PRTG: variants seen among roughly 807,000 people sequenced by gnomAD.
PRTG encodes the protein protogenin.
Under a neutral mutation model 122.5 loss-of-function variants are expected in PRTG, and 67 were observed. The observed-to-expected ratio is 0.55, with a 90% CI of 0.45 to 0.67. PRTG has a LOEUF of 0.67. PRTG is among the 30% of genes least tolerant of loss of function. PRTG has a pLI of 0.00. For missense variants in PRTG, 1,435 were observed against 1,415.4 expected (o/e 1.01, Z -0.22); for synonymous variants, 554 against 501.1 (o/e 1.11, Z -1.41).
At chr15:55,698,007 G>C (rs1186488999) in intron 2 of PRTG, among the ~76,000 whole-genome samples, 1 of 151,990 alleles carries the variant, frequency 6.6e-6, no homozygotes, top group African/African-American at 2.4e-5. Flanking sequence ...TATTCACCTA[G>C]CTTCTCTTCC....
At chr15:55,677,420 A>G (rs1429488868) in intron 8 of PRTG, among the ~76,000 whole-genome samples, 1 of 152,176 alleles carries the variant, frequency 6.6e-6, no homozygotes, top group African/African-American at 2.4e-5. Flanking sequence ...TTATTTTACT[A>G]AACAGTCAAA....
chr15:55,654,553 T>C (rs1180061317), intron 11 of PRTG, among the ~76,000 whole-genome samples: 2 of 152,242 alleles, frequency 1.3e-5, no homozygotes, highest in Non-Finnish European at 2.9e-5. Context: ...TTTGATTATG[T>C]TGACATTTCT....
At chr15:55,671,793 G>A (rs755604910) in intron 11 of PRTG, among the ~76,000 whole-genome samples, 4 of 152,110 alleles carry the variant, frequency 2.6e-5, no homozygotes, top group Non-Finnish European at 5.9e-5. Context: ...GAGCCACCAC[G>A]CCTGGCCCAT....
At chr15:55,649,464 C>T (rs1241103448) in intron 11 of PRTG, among the ~76,000 whole-genome samples, 3 of 151,900 alleles carry the variant, frequency 2.0e-5, no homozygotes, top group East Asian at 1.9e-4. Flanking sequence ...AGTACAACAA[C>T]AACAACAATA....
At chr15:55,707,637 C>A (rs1312038571) in intron 2 of PRTG, among the ~76,000 whole-genome samples, 2 of 152,186 alleles carry the variant, frequency 1.3e-5, no homozygotes, top group East Asian at 1.9e-4. Context: ...CAAAACAATG[C>A]ATAGTTTATA....
chr15:55,700,400 G>A (rs1428047388), intron 2 of PRTG, among the ~76,000 whole-genome samples: 2 of 152,020 alleles, frequency 1.3e-5, no homozygotes, highest in Non-Finnish European at 1.5e-5. Flanking sequence ...TTGTGTCCTG[G>A]GGTTAGGCAA....
At chr15:55,674,946 G>A (rs2059494059) in intron 9 of PRTG, among the ~76,000 whole-genome samples, 1 of 152,048 alleles carries the variant, frequency 6.6e-6, no homozygotes, top group African/African-American at 2.4e-5. Context: ...TAATATGGAT[G>A]AAATTTCCCA....
chr15:55,693,136 A>C (rs2059613638), intron 2 of PRTG, among the ~76,000 whole-genome samples: 1 of 151,960 alleles, frequency 6.6e-6, no homozygotes, highest in Non-Finnish European at 1.5e-5. Flanking sequence ...GGCGTGAGCC[A>C]CCGCGCCAAG....
At chr15:55,629,375 A>ATATGTGTGTGTGTGTGTGTGTG (rs1374294067) in intron 15 of PRTG, among the ~76,000 whole-genome samples, 1 of 47,938 alleles carries the variant, frequency 2.1e-5, no homozygotes, top group Non-Finnish European at 4.2e-5. Context: ...ATATATATAT[A>ATATGTGTGTGTGTGTGTGTGTG]TGTGTGTGTG....
chr15:55,705,660 T>C (rs1307412653), intron 2 of PRTG, among the ~76,000 whole-genome samples: 2 of 151,950 alleles, frequency 1.3e-5, no homozygotes, highest in African/African-American at 2.4e-5. Context: ...TTCACCATGT[T>C]GCACTCCTGA....
intron 2 of PRTG, among the ~76,000 whole-genome samples, chr15:55,727,266 A>G (rs1480769528): frequency 6.6e-6 from 1 of 152,118 alleles, no homozygotes; most frequent in African/African-American, 2.4e-5. Context: ...AACTTTAGCT[A>G]GACTGACCAA....
At chr15:55,687,173 T>A (rs923840435) in intron 2 of PRTG, among the ~76,000 whole-genome samples, 3 of 152,208 alleles carry the variant, frequency 2.0e-5, no homozygotes, top group Non-Finnish European at 4.4e-5. Flanking sequence ...GCACAATAAC[T>A]AGAATTGTAA....
chr15:55,663,323 T>C (rs930099307), intron 11 of PRTG, among the ~76,000 whole-genome samples: 3 of 152,184 alleles, frequency 2.0e-5, no homozygotes, highest in Non-Finnish European at 4.4e-5. Flanking sequence ...ACCCTCAGTC[T>C]TCTGATTTAA....
At chr15:55,693,771 T>C (rs373181928) in intron 2 of PRTG, among the ~76,000 whole-genome samples, 1 of 152,180 alleles carries the variant, frequency 6.6e-6, no homozygotes, top group African/African-American at 2.4e-5. Context: ...TATACATATG[T>C]GTACCCAGGC....
intron 11 of PRTG, among the ~76,000 whole-genome samples, chr15:55,658,894 G>A (rs1389070107): frequency 6.6e-6 from 1 of 152,142 alleles, no homozygotes; most frequent in Non-Finnish European, 1.5e-5. Context: ...ATATAAATTT[G>A]AAATAATGAC....
At chr15:55,708,163 A>AACAAAC (rs1161666784) in intron 2 of PRTG, among the ~76,000 whole-genome samples, 3 of 97,666 alleles carry the variant, frequency 3.1e-5, no homozygotes, top group African/African-American at 1.0e-4. Context: ...AAAAAAAAAA[A>AACAAAC]AAAAAAAAAA....
intron 2 of PRTG, among the ~76,000 whole-genome samples, chr15:55,702,197 A>G (rs2029919091): frequency 6.6e-6 from 1 of 152,226 alleles, no homozygotes; most frequent in South Asian, 2.1e-4. Flanking sequence ...GCAGGAAGAC[A>G]GCACACAGAG....
chr15:55,680,029 T>C (rs1263045536), intron 6 of PRTG, 25 bp downstream of exon 6: 2 of 1,592,272 alleles, frequency 1.3e-6, no homozygotes, highest in Non-Finnish European at 1.7e-6. Flanking sequence ...AAGATTCCCC[T>C]GATTGCAGAA....
chr15:55,637,085 ATAAACTC>A (rs1338549643), intron 15 of PRTG, 78 bp downstream of exon 15: 7 of 1,170,426 alleles, frequency 6.0e-6, no homozygotes, highest in Non-Finnish European at 8.0e-6. Flanking sequence ...TAAATTCAAA[ATAAACTC>A]TAGATTCCCC....
Sources: gnomAD v4.1 joint callset for allele counts (sites outside exome capture counted in the v4.1 genomes callset) on GRCh38, gnomAD v4.1.1 for gene constraint, MANE v1.5 for transcripts, NCBI Gene and HGNC (gene_info 2026-07-23, HGNC 2026-07-21) for gene names.